The following ZNF407 variants were observed in gnomAD, a reference collection of about 807,000 sequenced individuals.
The protein encoded by ZNF407 is zinc finger protein 407.
A neutral mutation model predicts 131.2 loss-of-function variants in ZNF407; 17 were observed. The observed-to-expected ratio is 0.13, with a 90% CI of 0.09 to 0.19. The LOEUF is 0.19. ZNF407 is among the 10% of genes least tolerant of loss of function. The pLI is 1.00. For missense variants in ZNF407, 2,681 were observed against 2,830.6 expected, an observed-to-expected ratio of 0.95 and a Z score of 1.20; for synonymous variants, 1,156 against 1,062.0, an observed-to-expected ratio of 1.09 and a Z score of -1.72.
intron 7 of ZNF407, among the ~76,000 whole-genome samples, chr18:74,915,424 T>C (rs559523056): frequency 0.013 from 1,475 of 109,348 alleles, 51 homozygotes; most frequent in Non-Finnish European, 0.022. Context: ...TGTGTGTGTG[T>C]GCATGTGTGT....
chr18:74,618,199 T>G (rs1983394224), intron 1 of ZNF407, among the ~76,000 whole-genome samples: 1 of 152,174 alleles, frequency 6.6e-6, no homozygotes, highest in Non-Finnish European at 1.5e-5. Context: ...TTAAAGCATT[T>G]CCCTACTTTC....
At chr18:74,881,581 A>G (rs191101591) in intron 6 of ZNF407, among the ~76,000 whole-genome samples, 6 of 150,818 alleles carry the variant, frequency 4.0e-5, no homozygotes, top group Admixed American at 4.0e-4. Flanking sequence ...CTCTCTGCCT[A>G]CCTCCCTGTC....
intron 4 of ZNF407, among the ~76,000 whole-genome samples, chr18:74,838,137 A>G (rs978700202): frequency 2.6e-5 from 4 of 152,190 alleles, no homozygotes; most frequent in African/African-American, 9.7e-5. Flanking sequence ...TTTAACAGGT[A>G]TATTCCAGCT....
chr18:74,737,822 A>T (rs924010672), intron 3 of ZNF407, among the ~76,000 whole-genome samples: 1 of 152,188 alleles, frequency 6.6e-6, no homozygotes, highest in African/African-American at 2.4e-5. Context: ...TTCTAGATTT[A>T]AAAAATAATT....
At position 74,754,536 on chromosome 18, in the gene ZNF407, C is replaced by G. The variant is rs538400312; in HGVS notation, c.4803-26892C>G. ...CTGCTTTAAATGTGTCCCAGAGATT[C>G]TGGTACATTGTGTCTTTGTTCTCAT... On this transcript the variant is annotated intron_variant, in intron 3 of 8. Transcript: ENST00000299687. Among the ~76,000 whole-genome samples, 32 of 152,302 alleles carry G rather than the reference C, an allele frequency of 2.1e-4. 1 individual carries two copies. Among genetic ancestry groups the G allele is most frequent in the Non-Finnish European group, 2.1e-4 (14 of 68,030 alleles).
At chr18:74,614,561 G>A (rs1254817720) in intron 1 of ZNF407, among the ~76,000 whole-genome samples, 1 of 151,976 alleles carries the variant, frequency 6.6e-6, no homozygotes, top group African/African-American at 2.4e-5. Context: ...TTTTTGAAGA[G>A]TTATGAGAGA....
At chr18:75,046,828 A>G (rs1973441309) in intron 8 of ZNF407, among the ~76,000 whole-genome samples, 1 of 151,890 alleles carries the variant, frequency 6.6e-6, no homozygotes, top group African/African-American at 2.4e-5. Flanking sequence ...TTCAAGCCCA[A>G]AAGTCTCTTG....
intron 3 of ZNF407, among the ~76,000 whole-genome samples, chr18:74,687,151 C>A (rs1192624763): frequency 6.6e-6 from 1 of 152,122 alleles, no homozygotes; most frequent in Non-Finnish European, 1.5e-5. Flanking sequence ...AGTTTGAAAC[C>A]AGCCTGGGCA....
At chr18:74,704,948 T>C (rs1039693037) in intron 3 of ZNF407, among the ~76,000 whole-genome samples, 4 of 152,200 alleles carry the variant, frequency 2.6e-5, no homozygotes, top group Admixed American at 2.6e-4. Flanking sequence ...GAAGATTCGG[T>C]TTCTCTTTAT....
intron 8 of ZNF407, among the ~76,000 whole-genome samples, chr18:74,935,324 G>A (rs8098230): frequency 0.23 from 34,209 of 151,986 alleles, 5,081 homozygotes; most frequent in African/African-American, 0.41. Context: ...TCTTTATGTT[G>A]GTAACTAAGT....
At chr18:74,908,774 C>T (rs1186162918) in intron 7 of ZNF407, among the ~76,000 whole-genome samples, 2 of 152,018 alleles carry the variant, frequency 1.3e-5, no homozygotes, top group Admixed American at 6.6e-5. Context: ...AAACAAGCTC[C>T]GAGTTTATAT....
intron 2 of ZNF407, among the ~76,000 whole-genome samples, chr18:74,637,270 G>A (rs537966823): frequency 1.8e-4 from 28 of 152,234 alleles, no homozygotes; most frequent in South Asian, 8.3e-4. Context: ...TTATTTAGTC[G>A]TTTACAATGC....
rs549805091 is a variant in ZNF407, at chr18:75,030,892, A to C, written c.5429-32258A>C. Among the ~76,000 whole-genome samples, 3 of 152,314 alleles carry C rather than the reference A, an allele frequency of 2.0e-5. No homozygotes were observed. In the East Asian group the frequency reaches 5.8e-4, roughly 29 times the overall value. On this transcript the variant is annotated intron_variant, in intron 8 of 8. Transcript: ENST00000299687. Reference sequence around the variant, plus strand: ...CCAAACGTGACAACTCACCCACTGGAGTGACTGCATGCCAGAAAAGCAGGG... The same window carrying C: ...CCAAACGTGACAACTCACCCACTGGCGTGACTGCATGCCAGAAAAGCAGGG...
At chr18:74,621,101 CTCTT>C (rs1345443937) in intron 1 of ZNF407, among the ~76,000 whole-genome samples, 95,712 of 151,468 alleles carry the variant, frequency 0.63, 31,395 homozygotes, top group East Asian at 0.82. Flanking sequence ...TCTACTGTAT[CTCTT>C]TATTATTATT....
At chr18:74,613,128 A>G (rs1352953609) in intron 1 of ZNF407, among the ~76,000 whole-genome samples, 7 of 152,244 alleles carry the variant, frequency 4.6e-5, no homozygotes, top group Non-Finnish European at 8.8e-5. Context: ...TCAGTTCATT[A>G]GAAAGTGGTA....
intron 3 of ZNF407, among the ~76,000 whole-genome samples, chr18:74,774,611 A>G (rs1157443847): frequency 6.6e-6 from 1 of 152,228 alleles, no homozygotes; most frequent in Non-Finnish European, 1.5e-5. Flanking sequence ...AAACAATCAG[A>G]CATACCATAT....
chr18:74,630,044 G>A (rs1055740803), intron 1 of ZNF407, among the ~76,000 whole-genome samples: 24 of 152,072 alleles, frequency 1.6e-4, no homozygotes, highest in African/African-American at 5.6e-4. Context: ...CTTTTCATTG[G>A]TAAAAGAGCT....
chr18:74,669,650 A>C (rs1262123405), intron 3 of ZNF407, among the ~76,000 whole-genome samples: 1 of 151,860 alleles, frequency 6.6e-6, no homozygotes, highest in Non-Finnish European at 1.5e-5. Context: ...CTGGCTCTCC[A>C]CCTCCTCCAG....
At chr18:74,660,831 TTAAAA>T (rs1413688333) in intron 3 of ZNF407, among the ~76,000 whole-genome samples, 3 of 152,184 alleles carry the variant, frequency 2.0e-5, no homozygotes, top group African/African-American at 4.8e-5. Context: ...ATTTGAAATA[TTAAAA>T]TAATAAAGCT....
Sources: gnomAD v4.1 joint callset for allele counts (sites outside exome capture counted in the v4.1 genomes callset) on GRCh38, gnomAD v4.1.1 for gene constraint, MANE v1.5 for transcripts, NCBI Gene and HGNC (gene_info 2026-07-23, HGNC 2026-07-21) for gene names.